Variants in OGDHL observed in about 807,000 individuals in gnomAD.
OGDHL encodes 2-oxoglutarate dehydrogenase-like, mitochondrial.
Under a neutral mutation model 109.6 loss-of-function variants are expected in OGDHL, and 79 were observed. The ratio of observed to expected loss-of-function variants is 0.72; its 90% CI spans 0.60 to 0.87. The LOEUF is 0.87. Among genes scored for constraint, OGDHL ranks in the 40% least tolerant of loss-of-function variants. The pLI, the probability that OGDHL is intolerant of heterozygous loss-of-function variation, is 0.00. For synonymous variants in OGDHL, 528 were observed against 537.2 expected (o/e 0.98, Z 0.24); for missense variants, 1,275 against 1,362.2 (o/e 0.94, Z 1.01).
intron 12 of OGDHL, 40 bp downstream of exon 12, chr10:49,745,304 C>G: frequency 6.2e-7 from 1 of 1,607,832 alleles, no homozygotes; most frequent in Non-Finnish European, 8.5e-7. Flanking sequence ...GGTCCCCACC[C>G]AAAGTTTGTC....
chr10:49,757,523 A>G (rs977532211), intron 2 of OGDHL, among the ~76,000 whole-genome samples: 5 of 152,218 alleles, frequency 3.3e-5, no homozygotes, highest in African/African-American at 1.2e-4. Context: ...AATTTACCCT[A>G]CAGATGGCTC....
chr10:49,738,411 G>C (rs547368129), intron 17 of OGDHL, 149 bp from the exon 18 acceptor site: 1 of 727,578 alleles, frequency 1.4e-6, no homozygotes, highest in Non-Finnish European at 2.3e-6. Context: ...AAAGAACCAA[G>C]AATGTGGAAC....
At chr10:49,749,632 TCTCAGCCCGGAAGCTCCCGG>T (rs1275849794) in intron 8 of OGDHL, 74 bp downstream of exon 8, 2 of 1,089,534 alleles carry the variant, frequency 1.8e-6, no homozygotes, top group Non-Finnish European at 2.6e-6. Context: ...TTAAGGTTTA[TCTCAGCCCGGAAGCTCCCGG>T]CTCAGCCCCT....
chr10:49,752,967 G>C (rs1842704869), intron 3 of OGDHL, among the ~76,000 whole-genome samples: 1 of 152,218 alleles, frequency 6.6e-6, no homozygotes, highest in African/African-American at 2.4e-5. Flanking sequence ...GGCAAAAACA[G>C]GAAAAAGACC....
Position 49,744,581 on chromosome 10 carries a change from C to T in OGDHL, c.1732+69G>A. The T allele has an allele frequency of 2.4e-6, 3 of 1,247,068 alleles. No homozygotes were observed. In the South Asian group the frequency reaches 3.7e-5, roughly 15 times the overall value. The allele number at this position is 1,247,068 out of a possible 1,614,324, so 77.3% of individuals were successfully genotyped here. ...TGACAGCTGTCACCCAGGGCCATTC[C>T]AGTCCTGATCCCAGTGCAAGACCTC... On this transcript the variant is annotated intron_variant, in intron 13 of 22. Coordinates refer to ENST00000374103, the MANE Select transcript of OGDHL (RefSeq NM_018245.3).
rs112925484 is a variant in OGDHL, at chr10:49,750,356, G to A, written c.896+483C>T. On this transcript the variant is annotated intron_variant, in intron 7 of 22. Coordinates refer to ENST00000374103, the MANE Select transcript of OGDHL (RefSeq NM_018245.3). ...AGCTCAGAGGTAACGCCCCACTGCTGAGCAAGCCTCCTAGATCTTCATCAA... is the reference window on the plus strand; with the variant it reads ...AGCTCAGAGGTAACGCCCCACTGCTAAGCAAGCCTCCTAGATCTTCATCAA... Among the ~76,000 whole-genome samples the A allele has an allele frequency of 6.8e-3, 1,042 of 152,266 alleles. 13 individuals are homozygous for A. Among genetic ancestry groups the A allele is most frequent in the African/African-American group, 0.022 (922 of 41,542 alleles).
intron 15 of OGDHL, among the ~76,000 whole-genome samples, chr10:49,742,111 T>C (rs1181286276): frequency 9.8e-6 from 1 of 101,878 alleles, no homozygotes; most frequent in Non-Finnish European, 2.0e-5. Context: ...TCACACACAT[T>C]ACACACATAC....
Position 49,737,954 on chromosome 10 carries a change from C to A in OGDHL, c.2510G>T (p.Arg837Leu). 1 of 1,614,012 alleles carries A rather than the reference C, an allele frequency of 6.2e-7. No homozygotes were observed. The highest frequency in any genetic ancestry group is 8.5e-7 in the Non-Finnish European group (1 of 1,180,018). Reference protein sequence around the residue: ...VLRRQILLPFRKPLIIFTPKS... With the variant: ...VLRRQILLPFLKPLIIFTPKS... ...CCTGGGACGGAGACTCACCGGCTTG[C>A]GGAAGGGCAGCAGGATCTGCCGGCG... Residue 837 changes from arginine (R) to leucine (L), a missense_variant, in exon 19 of 23, where the codon CGC becomes CTC. Transcript: ENST00000374103.
At chr10:49,746,720 T>G in intron 10 of OGDHL, 30 bp downstream of exon 10, 1 of 1,609,600 alleles carries the variant, frequency 6.2e-7, no homozygotes, top group Non-Finnish European at 8.5e-7. Context: ...GCTGACGCTG[T>G]GAGGCCCAGC....
rs1841886237 is a variant in OGDHL at position 49,742,891 on chromosome 10, G to A, written c.1949C>T (p.Ser650Phe). ...WALAEYMAFG[S>F]LLKEGIHVRL... is the part of the protein sequence containing the mutation. ...CACGTGGATGCCTTCCTTCAGCAGG[G>A]AGCCAAAGGCCATGTACTCTGCCAA... The change falls in exon 15 of 23, where the codon TCC (serine) becomes TTC (phenylalanine). Residue 650 changes from serine (S) to phenylalanine (F), a missense_variant. Coordinates refer to ENST00000374103, the MANE Select transcript of OGDHL (RefSeq NM_018245.3). 1.9e-6 allele frequency: 3 copies of A among 1,614,006 alleles called. No individual in the cohort carries two copies. Among genetic ancestry groups the A allele is most frequent in the Non-Finnish European group, 2.5e-6 (3 of 1,179,976 alleles).
intron 10 of OGDHL, 21 bp downstream of exon 10, chr10:49,746,729 G>T (rs1842209903): frequency 6.2e-7 from 1 of 1,613,324 alleles, no homozygotes; most frequent in South Asian, 1.1e-5. Flanking sequence ...GTGAGGCCCA[G>T]CGTGGAGCCT....
chr10:49,735,022 T>C lies in OGDHL; in HGVS notation c.*206A>G, dbSNP rs13736. On this transcript the variant is annotated 3_prime_UTR_variant, in exon 23 of 23. Coordinates refer to ENST00000374103, the MANE Select transcript of OGDHL (RefSeq NM_018245.3). ...ATGCTCCAGCACAGTAGCCTGCCTA[T>C]AGGACTCCTCTGGCTCCCTCAGTCC... 265,224 of 533,978 alleles carry C rather than the reference T, an allele frequency of 0.5. 69,594 individuals are homozygous for C. Among genetic ancestry groups the C allele is most frequent in the East Asian group, 0.84 (24,349 of 28,958 alleles). The allele number at this position is 533,978 out of a possible 1,614,324, so 33.1% of individuals were successfully genotyped here.
chr10:49,750,690 C>A lies in OGDHL; in HGVS notation c.896+149G>T, dbSNP rs1307604031. 4 of 1,126,350 alleles carry A rather than the reference C, an allele frequency of 3.6e-6. No homozygotes were observed. The Admixed American group carries it at 8.7e-5, about 25-fold the overall frequency. The allele number at this position is 1,126,350 out of a possible 1,614,324, so 69.8% of individuals were successfully genotyped here. A position where few individuals can be genotyped will look rare whatever the true frequency, so the allele number is the denominator to read the frequency against. Reference sequence around the variant, plus strand: ...CCCGGCAATTTCTGTGACGAGCAGGCCAGGCCCAGGACTCAGAACTTTCCA... The same window carrying A: ...CCCGGCAATTTCTGTGACGAGCAGGACAGGCCCAGGACTCAGAACTTTCCA... On this transcript the variant is annotated intron_variant, in intron 7 of 22. Transcript: ENST00000374103.
chr10:49,759,108 CG>C (rs1308140688), intron 1 of OGDHL, among the ~76,000 whole-genome samples: 1 of 151,974 alleles, frequency 6.6e-6, no homozygotes, highest in Non-Finnish European at 1.5e-5. Flanking sequence ...GCACAGGTGT[CG>C]GGGGTGATAG....
chr10:49,736,070 G>A lies in OGDHL; in HGVS notation c.2862C>T (p.Tyr954=), dbSNP rs761347964. The stretch of plus-strand genomic sequence containing the variant: ...GGATGGTCATGAAGCGTGGGCTGAT[G>A]TAGTCATAGTAGCCCATGTTCTTGT... ...EEHKNMGYYD[Y]ISPRFMTILR... is the part of the protein sequence containing the mutation. The change falls in exon 22 of 23, where the codon TAC becomes TAT. Residue 954 remains tyrosine, a synonymous_variant. Transcript: ENST00000374103. 1.9e-6 allele frequency: 3 copies of A among 1,610,112 alleles called. No homozygotes were observed. The highest frequency in any genetic ancestry group is 2.5e-6 in the Non-Finnish European group (3 of 1,178,054).
chr10:49,761,621 G>A (rs1278121780), intron 1 of OGDHL, among the ~76,000 whole-genome samples: 1 of 152,202 alleles, frequency 6.6e-6, no homozygotes, highest in Non-Finnish European at 1.5e-5. Flanking sequence ...GCCGAGGGGC[G>A]TCAAAGGGTC....
At chr10:49,750,457 G>A (rs749214949) in intron 7 of OGDHL, among the ~76,000 whole-genome samples, 5 of 152,144 alleles carry the variant, frequency 3.3e-5, no homozygotes, top group Non-Finnish European at 5.9e-5. Context: ...CCCTGTTGGG[G>A]ACACAACCCG....
At chr10:49,757,653 G>A (rs563596782) in intron 2 of OGDHL, among the ~76,000 whole-genome samples, 147 of 152,288 alleles carry the variant, frequency 9.7e-4, no homozygotes, top group Non-Finnish European at 1.7e-3. Flanking sequence ...TACATGCAAT[G>A]GAATACTACA....
intron 14 of OGDHL, among the ~76,000 whole-genome samples, chr10:49,743,211 C>T (rs949428358): frequency 2.0e-5 from 3 of 152,236 alleles, no homozygotes; most frequent in South Asian, 2.1e-4. Flanking sequence ...GCATTGGCCA[C>T]GTTGCAGACA....
Sources: gnomAD v4.1 joint callset for allele counts (sites outside exome capture counted in the v4.1 genomes callset) on GRCh38, gnomAD v4.1.1 for gene constraint, MANE v1.5 for transcripts, NCBI Gene and HGNC (gene_info 2026-07-23, HGNC 2026-07-21) for gene names.